The following CSMD1 variants were observed in gnomAD, a reference collection of about 807,000 sequenced individuals.
The protein encoded by CSMD1 is CUB and Sushi multiple domains 1.
CSMD1 carries 213 observed loss-of-function variants against 417.5 expected under a neutral mutation model. That is an observed-to-expected ratio of 0.51 (90% CI 0.46 to 0.57). The LOEUF is 0.57. Among genes scored for constraint, CSMD1 ranks in the 20% least tolerant of loss-of-function variants. CSMD1 has a pLI of 0.00. For missense variants in CSMD1, 6,923 were observed against 4,529.7 expected (o/e 1.53, Z -15.17); for synonymous variants, 2,862 against 1,736.8 (o/e 1.65, Z -16.11).
intron 5 of CSMD1, among the ~76,000 whole-genome samples, chr8:3,828,439 A>G (rs1802178462): frequency 6.6e-6 from 1 of 152,188 alleles, no homozygotes; most frequent in African/African-American, 2.4e-5. Context: ...GGAATACAAA[A>G]AGAATAAAAT....
At chr8:4,530,351 A>G (rs1374540575) in intron 2 of CSMD1, among the ~76,000 whole-genome samples, 1 of 55,974 alleles carries the variant, frequency 1.8e-5, no homozygotes, top group Non-Finnish European at 3.7e-5. Flanking sequence ...TTTTACTTTC[A>G]GTGCTGGGAT....
chr8:3,757,339 G>A (rs1237654228), intron 5 of CSMD1, among the ~76,000 whole-genome samples: 4 of 152,202 alleles, frequency 2.6e-5, no homozygotes, highest in East Asian at 1.9e-4. Context: ...CAACTTTGCA[G>A]GTGTAGTTGG....
chr8:3,010,073 C>T (rs1808263281), intron 52 of CSMD1, among the ~76,000 whole-genome samples: 1 of 152,172 alleles, frequency 6.6e-6, no homozygotes, highest in African/African-American at 2.4e-5. Context: ...GTCTTGCCTG[C>T]CGGTGTCACG....
intron 12 of CSMD1, among the ~76,000 whole-genome samples, chr8:3,448,872 G>A (rs942127427): frequency 2.4e-4 from 37 of 152,298 alleles, no homozygotes; most frequent in Admixed American, 1.3e-3. Context: ...GAAAACTTAC[G>A]CAGGCATAAT....
intron 37 of CSMD1, among the ~76,000 whole-genome samples, chr8:3,173,696 T>C (rs946659944): frequency 6.6e-6 from 1 of 152,210 alleles, no homozygotes; most frequent in African/African-American, 2.4e-5. Flanking sequence ...ATGAAATCTC[T>C]GTAAACACAC....
At chr8:3,320,082 C>T (rs1255850265) in intron 23 of CSMD1, among the ~76,000 whole-genome samples, 3 of 152,136 alleles carry the variant, frequency 2.0e-5, no homozygotes, top group Non-Finnish European at 4.4e-5. Context: ...GGGCTGCCAC[C>T]AGCGCACACA....
intron 7 of CSMD1, among the ~76,000 whole-genome samples, chr8:3,682,176 C>G (rs999459707): frequency 1.3e-5 from 2 of 152,034 alleles, no homozygotes; most frequent in Non-Finnish European, 2.9e-5. Context: ...GCAACAAAAG[C>G]CAAAATTGAC....
At chr8:3,720,408 A>G (rs1802084837) in intron 6 of CSMD1, among the ~76,000 whole-genome samples, 1 of 152,220 alleles carries the variant, frequency 6.6e-6, no homozygotes, top group South Asian at 2.1e-4. Flanking sequence ...GTCCAGGCAC[A>G]ACAACCTCAC....
At chr8:4,049,953 T>C (rs1240805680) in intron 3 of CSMD1, among the ~76,000 whole-genome samples, 1 of 152,190 alleles carries the variant, frequency 6.6e-6, no homozygotes, top group Non-Finnish European at 1.5e-5. Context: ...GCCGTTCCTC[T>C]TTAGGTGTCT....
intron 8 of CSMD1, among the ~76,000 whole-genome samples, chr8:3,606,100 G>A (rs1178590744): frequency 1.3e-5 from 2 of 152,162 alleles, no homozygotes; most frequent in Admixed American, 1.3e-4. Context: ...GCTAGGAAAC[G>A]TTGAAATCGG....
At chr8:4,806,041 G>C (rs1280121584) in intron 1 of CSMD1, among the ~76,000 whole-genome samples, 1 of 152,138 alleles carries the variant, frequency 6.6e-6, no homozygotes, top group African/African-American at 2.4e-5. Flanking sequence ...CAGACAGTGA[G>C]ATGACGGAAA....
intron 3 of CSMD1, among the ~76,000 whole-genome samples, chr8:4,047,764 G>A (rs1454105166): frequency 6.6e-6 from 1 of 151,648 alleles, no homozygotes; most frequent in Admixed American, 6.6e-5. Context: ...GTATTTTTTT[G>A]ATAGGAATAG....
intron 17 of CSMD1, among the ~76,000 whole-genome samples, chr8:3,393,320 T>C (rs1585097744): frequency 3.3e-5 from 5 of 152,318 alleles, no homozygotes; most frequent in African/African-American, 1.2e-4. Context: ...TCTGTGGCTA[T>C]ACAGCTACCT....
chr8:4,188,483 C>G (rs1263545188), intron 3 of CSMD1, among the ~76,000 whole-genome samples: 2 of 152,078 alleles, frequency 1.3e-5, no homozygotes, highest in Non-Finnish European at 2.9e-5. Context: ...GTCCATCAAC[C>G]ATGGTTAAAC....
intron 26 of CSMD1, among the ~76,000 whole-genome samples, chr8:3,282,274 A>G (rs1802797785): frequency 6.6e-6 from 1 of 152,102 alleles, no homozygotes; most frequent in Non-Finnish European, 1.5e-5. Flanking sequence ...CTCTGTGGGG[A>G]TGTTGACAGG....
chr8:4,187,201 G>A (rs376318091), intron 3 of CSMD1, among the ~76,000 whole-genome samples: 1 of 152,192 alleles, frequency 6.6e-6, no homozygotes, highest in East Asian at 1.9e-4. Context: ...GGACATTGTT[G>A]GATTCTGTTC....
intron 10 of CSMD1, among the ~76,000 whole-genome samples, chr8:3,547,505 G>T (rs1347487854): frequency 1.3e-5 from 2 of 152,162 alleles, no homozygotes; most frequent in Non-Finnish European, 2.9e-5. Flanking sequence ...ATATATTTAT[G>T]CCTGATCACG....
chr8:4,201,399 G>T (rs1799635875), intron 3 of CSMD1, among the ~76,000 whole-genome samples: 1 of 151,812 alleles, frequency 6.6e-6, no homozygotes, highest in Non-Finnish European at 1.5e-5. Context: ...TTAGCCGGGG[G>T]TGGCGCTGGG....
chr8:3,047,992 A>G (rs1387553149), intron 50 of CSMD1, among the ~76,000 whole-genome samples: 2 of 152,250 alleles, frequency 1.3e-5, no homozygotes, highest in African/African-American at 4.8e-5. Context: ...CATTTTGTCA[A>G]TCTGTGAAGT....
Sources: allele counts gnomAD v4.1 joint callset (sites outside exome capture counted in the v4.1 genomes callset), GRCh38; gene constraint gnomAD v4.1.1; transcripts MANE v1.5; gene names NCBI Gene and HGNC (gene_info 2026-07-23, HGNC 2026-07-21).